The following FGFRL1 variants were observed in gnomAD, a reference collection of about 807,000 sequenced individuals.
FGFRL1 encodes the protein fibroblast growth factor receptor-like 1.
In FGFRL1, 24 loss-of-function variants were observed where a neutral mutation model predicts 36.8. The ratio of observed to expected loss-of-function variants is 0.65; its 90% CI spans 0.47 to 0.92. The LOEUF (loss-of-function observed/expected upper bound fraction) is 0.92. Ranked by LOEUF, FGFRL1 falls within the 40% of genes least tolerant of loss-of-function variation. FGFRL1 has a pLI of 0.00. For synonymous variants in FGFRL1, 422 were observed against 344.1 expected (o/e 1.23, Z -2.50); for missense variants, 785 against 753.4 (o/e 1.04, Z -0.49).
In FGFRL1 at chr4:1,024,985, G is replaced by A. The variant is rs1235344559; in HGVS notation, c.1153G>A (p.Ala385Thr). Reference protein sequence around the residue: ...LPWPVVIGIPAGAVFILGTLL... With the variant: ...LPWPVVIGIPTGAVFILGTLL... ...GTGGCCCGTGGTCATCGGCATCCCAGCCGGCGCTGTCTTCATCCTGGGCAC... is the reference window on the plus strand; with the variant it reads ...GTGGCCCGTGGTCATCGGCATCCCAACCGGCGCTGTCTTCATCCTGGGCAC... Residue 385 changes from alanine to threonine, a missense_variant, in exon 7 of 7, where the codon GCC (alanine) becomes ACC (threonine). Ala to Thr is a moderately conservative substitution (Grantham distance 58, BLOSUM62 0). Coordinates refer to ENST00000510644, the MANE Select transcript of FGFRL1 (RefSeq NM_001004356.3). 1.2e-6 allele frequency: 2 copies of A among 1,610,062 alleles called. No individual in the cohort carries two copies. Among genetic ancestry groups the A allele is most frequent in the African/African-American group, 1.3e-5 (1 of 74,892 alleles).
chr4:1,018,080 G>A (rs1715987412), intron 2 of FGFRL1, among the ~76,000 whole-genome samples: 1 of 152,196 alleles, frequency 6.6e-6, no homozygotes, highest in Non-Finnish European at 1.5e-5. Flanking sequence ...TTCAGATGGG[G>A]CAGGTGTTCG....
At chr4:1,012,322 C>T in intron 1 of FGFRL1, 148 bp from the exon 2 acceptor site, 5 of 788,288 alleles carry the variant, frequency 6.3e-6, no homozygotes, top group Middle Eastern at 5.2e-4. Flanking sequence ...CCCACAGCTT[C>T]TCCCCGCTGC....
Position 1,024,044 on chromosome 4 carries a change from TGCCGCGTGTCGAACCGCGCGG to T in FGFRL1, c.664_684del (p.Arg222_Gly228del). On this transcript the variant is annotated inframe_deletion, in exon 5 of 7. Coordinates refer to ENST00000510644, the MANE Select transcript of FGFRL1 (RefSeq NM_001004356.3). ...GCCGGAGGACAGCGGCAAATACACCTGCCGCGTGTCGAACCGCGCGGGCGCCATCAACGCCACCTACAAGGT... is the reference window on the plus strand; with the variant it reads ...GCCGGAGGACAGCGGCAAATACACCTGCGCCATCAACGCCACCTACAAGGT... 6.2e-7 allele frequency: 1 copy of T among 1,606,938 alleles called. No individual in the cohort carries two copies. The highest frequency in any genetic ancestry group is 8.5e-7 in the Non-Finnish European group (1 of 1,178,606).
intron 2 of FGFRL1, among the ~76,000 whole-genome samples, chr4:1,013,193 T>C (rs1389215644): frequency 1.3e-5 from 2 of 152,332 alleles, no homozygotes; most frequent in Non-Finnish European, 2.9e-5. Context: ...TACGTGCTCA[T>C]GGCACCGACA....
Position 1,025,956 on chromosome 4 carries a change from C to T in FGFRL1, c.*609C>T, listed in dbSNP as rs948594038. On this transcript the variant is annotated 3_prime_UTR_variant, in exon 7 of 7. Coordinates refer to ENST00000510644, the MANE Select transcript of FGFRL1 (RefSeq NM_001004356.3). ...GCCTGGACACACACTTCCAGACACA[C>T]GTGCACAGGCGCAGATATGCTGCCT... 2.6e-4 allele frequency: 42 copies of T among 159,314 alleles called. No homozygotes were observed. Among genetic ancestry groups the T allele is most frequent in the African/African-American group, 8.8e-4 (36 of 40,968 alleles). 9.9% of individuals were successfully genotyped at this position (159,314 alleles called of 1,614,324 possible). A position where few individuals can be genotyped will look rare whatever the true frequency, so the allele number is the denominator to read the frequency against.
In FGFRL1 at chr4:1,025,765, C is replaced by T. The variant is rs1716489205; in HGVS notation, c.*418C>T. 3.8e-6 allele frequency: 1 copy of T among 260,450 alleles called. No individual in the cohort carries two copies. The highest frequency in any genetic ancestry group is 9.3e-5 in the East Asian group (1 of 10,702). The allele number at this position is 260,450 out of a possible 1,614,324, so 16.1% of individuals were successfully genotyped here. ...CACACGGATATGCTGTCTGGACGCA[C>T]ACACGTGCAGATATGGTATCCGGAC... is the stretch of plus-strand genomic sequence containing the variant. On this transcript the variant is annotated 3_prime_UTR_variant, in exon 7 of 7. Transcript: ENST00000510644.
chr4:1,024,674 T>TGCCAC lies in FGFRL1; in HGVS notation c.1072+21_1072+25dup, dbSNP rs1337611553. On this transcript the variant is annotated intron_variant, in intron 6 of 6. Transcript: ENST00000510644. ...CTCACCGTGCTGCCAGGTGCGCGGC[T>TGCCAC]GCCACGCCACGCCACACCATGCTGG... 6 of 1,587,904 alleles carry TGCCAC rather than the reference T, an allele frequency of 3.8e-6. No individual in the cohort carries two copies. Among genetic ancestry groups the TGCCAC allele is most frequent in the Admixed American group, 3.4e-5 (2 of 59,192 alleles).
Position 1,023,369 on chromosome 4 carries a change from C to G in FGFRL1, c.353-272C>G, listed in dbSNP as rs1008390569. On this transcript the variant is annotated intron_variant, in intron 3 of 6. Transcript: ENST00000510644. This position sits in a 1 kb window ranked among gnomAD's most constrained non-coding sequence, Gnocchi z 6.0. ...CTGGCCGGGCCCGGCTCCCTCCTCCCCCGGGGCCTGCAGACCCCCCGGAGC... is the reference window on the plus strand; with the variant it reads ...CTGGCCGGGCCCGGCTCCCTCCTCCGCCGGGGCCTGCAGACCCCCCGGAGC... Among the ~76,000 whole-genome samples, 2 of 152,176 alleles carry G rather than the reference C, an allele frequency of 1.3e-5. No homozygotes were observed. Among genetic ancestry groups the G allele is most frequent in the Admixed American group, 1.3e-4 (2 of 15,292 alleles).
In FGFRL1 at chr4:1,019,775, G is replaced by A. The variant is rs377439689; in HGVS notation, c.80-2428G>A. Among the ~76,000 whole-genome samples the A allele has an allele frequency of 2.7e-4, 41 of 152,348 alleles. No homozygotes were observed. In the East Asian group the frequency reaches 4.4e-3, roughly 16 times the overall value. Reference sequence around the variant, plus strand: ...GCTGGGGCCCATGGCCTGGGTGGGAGGGTCCTGAGTTGAGGGAGAGACGTG... The same window carrying A: ...GCTGGGGCCCATGGCCTGGGTGGGAAGGTCCTGAGTTGAGGGAGAGACGTG... On this transcript the variant is annotated intron_variant, in intron 2 of 6. Transcript: ENST00000510644.
At chr4:1,024,784 T>C in intron 6 of FGFRL1, 120 bp downstream of exon 6, 1 of 1,393,216 alleles carries the variant, frequency 7.2e-7, no homozygotes, top group East Asian at 2.4e-5. Context: ...GGCCAGGTCA[T>C]CTGCCGAGGG....
Position 1,026,659 on chromosome 4 carries a change from AGAT to A in FGFRL1, c.*1313_*1315del. The A allele has an allele frequency of 3.3e-6, 1 of 301,788 alleles. No individual in the cohort carries two copies. The highest frequency in any genetic ancestry group is 6.5e-6 in the Non-Finnish European group (1 of 154,570). 18.7% of individuals were successfully genotyped at this position (301,788 alleles called of 1,614,324 possible). On this transcript the variant is annotated 3_prime_UTR_variant, in exon 7 of 7. Coordinates refer to ENST00000510644, the MANE Select transcript of FGFRL1 (RefSeq NM_001004356.3). ...CTTGGTATTTATATTTAAGAAATGA[AGAT>A]AATATTAATAATGATGGAAGGAAGA...
chr4:1,012,872 C>T (rs972167565), intron 2 of FGFRL1, among the ~76,000 whole-genome samples: 1 of 152,252 alleles, frequency 6.6e-6, no homozygotes, highest in African/African-American at 2.4e-5. Flanking sequence ...ACCTGCAGTC[C>T]AGGGCAGCTA....
rs772665357 is a variant in FGFRL1, at chr4:1,025,125, C to T, written c.1293C>T (p.Asp431=). The change falls in exon 7 of 7, where the codon GAC becomes GAT. Residue 431 remains aspartate (D), a synonymous_variant. Coordinates refer to ENST00000510644, the MANE Select transcript of FGFRL1 (RefSeq NM_001004356.3). ...GTARDRSGDK[D]LPSLAALSAG... is the part of the protein sequence containing the mutation. Reference sequence around the variant, plus strand: ...CCCGCGACCGCAGCGGAGACAAGGACCTTCCCTCGTTGGCCGCCCTCAGCG... The same window carrying T: ...CCCGCGACCGCAGCGGAGACAAGGATCTTCCCTCGTTGGCCGCCCTCAGCG... 2 of 1,611,460 alleles carry T rather than the reference C, an allele frequency of 1.2e-6. No individual in the cohort carries two copies. Among genetic ancestry groups the T allele is most frequent in the Non-Finnish European group, 1.7e-6 (2 of 1,179,406 alleles).
At position 1,014,674 on chromosome 4, in the gene FGFRL1, C is replaced by T. The variant is rs756843294; in HGVS notation, c.79+2110C>T. On this transcript the variant is annotated intron_variant, in intron 2 of 6. Coordinates refer to ENST00000510644, the MANE Select transcript of FGFRL1 (RefSeq NM_001004356.3). ...AGCCGTGGGTGTACGGTGCTGACCT[C>T]GGCCCCCAGCCAGGCCTCAGGGCCT... 7.9e-5 allele frequency among the ~76,000 whole-genome samples: 12 copies of T among 152,354 alleles called. 1 individual carries two copies. The highest frequency in any genetic ancestry group is 2.6e-4 in the African/African-American group (11 of 41,586).
intron 2 of FGFRL1, among the ~76,000 whole-genome samples, chr4:1,017,011 G>A (rs1329790373): frequency 6.6e-6 from 1 of 152,148 alleles, no homozygotes; most frequent in Non-Finnish European, 1.5e-5. Flanking sequence ...CGGGTGGGGG[G>A]ACCACCGGCT....
chr4:1,023,764 G>A lies in FGFRL1; in HGVS notation c.433+43G>A, dbSNP rs369816597. On this transcript the variant is annotated intron_variant, in intron 4 of 6. Transcript: ENST00000510644. This position sits in a 1 kb window ranked among gnomAD's most constrained non-coding sequence, Gnocchi z 6.0. ...GGGGTGGGGGGCGTCCGTCTGTCCC[G>A]GCCCCTTGGCTGCATCCCCGTCCTC... 31 of 1,550,616 alleles carry A rather than the reference G, an allele frequency of 2.0e-5. No homozygotes were observed. The African/African-American group carries it at 2.6e-4, about 13-fold the overall frequency.
chr4:1,015,824 T>C (rs1048567531), intron 2 of FGFRL1, among the ~76,000 whole-genome samples: 2 of 152,296 alleles, frequency 1.3e-5, no homozygotes, highest in East Asian at 3.9e-4. Context: ...GGGTTCCTTG[T>C]CCAGGCCCAC....
At chr4:1,014,482 C>A (rs1715779306) in intron 2 of FGFRL1, among the ~76,000 whole-genome samples, 1 of 152,210 alleles carries the variant, frequency 6.6e-6, no homozygotes, top group African/African-American at 2.4e-5. Context: ...GCCTAGGAGG[C>A]CACTCCCCTG....
In FGFRL1 at chr4:1,026,596, A is replaced by G. The variant is rs2153027877; in HGVS notation, c.*1249A>G. 1 of 248,588 alleles carries G rather than the reference A, an allele frequency of 4.0e-6. No individual in the cohort carries two copies. The highest frequency in any genetic ancestry group is 7.9e-6 in the Non-Finnish European group (1 of 126,550). 15.4% of individuals were successfully genotyped at this position (248,588 alleles called of 1,614,324 possible). On this transcript the variant is annotated 3_prime_UTR_variant, in exon 7 of 7. Transcript: ENST00000510644. Reference sequence around the variant, plus strand: ...GGCTGGAGCCCATGGCTAGTGGCTCATCCCCACTGCATTCTCCCCCTGACA... The same window carrying G: ...GGCTGGAGCCCATGGCTAGTGGCTCGTCCCCACTGCATTCTCCCCCTGACA...
Sources: gnomAD v4.1 joint callset for allele counts (sites outside exome capture counted in the v4.1 genomes callset) on GRCh38, gnomAD v4.1.1 for gene constraint, Gnocchi (gnomAD v3.1) non-coding constraint, MANE v1.5 for transcripts, NCBI Gene and HGNC (gene_info 2026-07-23, HGNC 2026-07-21) for gene names.